WASF3: variants seen among roughly 807,000 people sequenced by gnomAD.
WASF3 encodes the protein WASP family member 3.
Under a neutral mutation model 46.6 loss-of-function variants are expected in WASF3, and 11 were observed. The ratio of observed to expected loss-of-function variants is 0.24; its 90% confidence interval spans 0.15 to 0.39. The LOEUF (loss-of-function observed/expected upper bound fraction) is 0.39. Ranked by LOEUF, WASF3 falls within the 10% of genes least tolerant of loss-of-function variation. The pLI is 1.00. For missense variants in WASF3, 576 were observed against 669.8 expected, an observed-to-expected ratio of 0.86 and a Z score of 1.55; for synonymous variants, 242 against 259.7, an observed-to-expected ratio of 0.93 and a Z score of 0.65.
the WASF3 span, among the ~76,000 whole-genome samples, chr13:26,548,523 A>G: frequency 4.7e-3 from 716 of 152,314 alleles, 4 homozygotes; most frequent in Middle Eastern, 0.01. Context: ...CATGCATGAC[A>G]GAAATCTTCA....
At chr13:26,673,164 A>T (rs1465706025) in intron 6 of WASF3, among the ~76,000 whole-genome samples, 1 of 152,194 alleles carries the variant, frequency 6.6e-6, no homozygotes, top group East Asian at 1.9e-4. Context: ...TGCCTTTAAA[A>T]TGTGCCTGTT....
chr13:26,605,441 C>T (rs1880764373), intron 1 of WASF3, among the ~76,000 whole-genome samples: 1 of 152,110 alleles, frequency 6.6e-6, no homozygotes, highest in Admixed American at 6.5e-5. Context: ...CTCAGGGTCA[C>T]TAAATACGGG....
At chr13:26,600,503 C>G (rs1880611710) in intron 1 of WASF3, among the ~76,000 whole-genome samples, 1 of 152,176 alleles carries the variant, frequency 6.6e-6, no homozygotes, top group African/African-American at 2.4e-5. Flanking sequence ...CATTGCTTCT[C>G]ATTTTTTCCT....
intron 3 of WASF3, among the ~76,000 whole-genome samples, chr13:26,662,447 C>T (rs960643874): frequency 2.0e-5 from 3 of 152,190 alleles, no homozygotes; most frequent in African/African-American, 7.2e-5. Context: ...TGTGGTACAT[C>T]ATGGGATACT....
intron 1 of WASF3, chr13:26,577,345 T>G: frequency 1.3e-6 from 1 of 762,602 alleles, no homozygotes. Context: ...GGAAAACCTT[T>G]TATGCTCAGC....
intron 3 of WASF3, among the ~76,000 whole-genome samples, chr13:26,661,439 A>C (rs1038963375): frequency 6.6e-6 from 1 of 152,226 alleles, no homozygotes; most frequent in Non-Finnish European, 1.5e-5. Context: ...ATGTTGTAGC[A>C]TGTGTCAGAA....
chr13:26,610,597 G>A (rs1027484875), intron 1 of WASF3, among the ~76,000 whole-genome samples: 9 of 152,252 alleles, frequency 5.9e-5, no homozygotes, highest in African/African-American at 2.2e-4. Flanking sequence ...GAAACTAGAC[G>A]ACAGGAGGGC....
intron 1 of WASF3, among the ~76,000 whole-genome samples, chr13:26,604,921 T>G (rs1258089629): frequency 1.3e-5 from 2 of 152,184 alleles, no homozygotes; most frequent in African/African-American, 4.8e-5. Context: ...AGGGGAGTTT[T>G]AAAACTTCTG....
At chr13:26,684,832 A>T (rs1010382126) in intron 9 of WASF3, among the ~76,000 whole-genome samples, 1 of 152,210 alleles carries the variant, frequency 6.6e-6, no homozygotes, top group Admixed American at 6.5e-5. Context: ...CTGGTCTCAT[A>T]GCTGTTCTGT....
At chr13:26,597,019 A>T (rs996813429) in intron 1 of WASF3, among the ~76,000 whole-genome samples, 1 of 152,172 alleles carries the variant, frequency 6.6e-6, no homozygotes, top group Non-Finnish European at 1.5e-5. Flanking sequence ...CTTTTAGTAC[A>T]TTTATCATAG....
rs1263605479 is a variant in WASF3 at position 26,616,234 on chromosome 13, T to TA, written c.-11+3176_-11+3177insA. Among the ~76,000 whole-genome samples, 13 of 152,354 alleles carry TA rather than the reference T, an allele frequency of 8.5e-5. No individual in the cohort carries two copies. In the South Asian group the frequency reaches 2.5e-3, roughly 29 times the overall value. On this transcript the variant is annotated intron_variant, in intron 2 of 9. Transcript: ENST00000335327. The stretch of plus-strand genomic sequence containing the variant: ...TATTTTGTTTCTCTTGAGCAGTGGA[T>TA]GATAGTTCCAGTTCATCCATGTTCT...
At chr13:26,596,082 T>C (rs2030918723) in intron 1 of WASF3, among the ~76,000 whole-genome samples, 1 of 151,760 alleles carries the variant, frequency 6.6e-6, no homozygotes, top group African/African-American at 2.4e-5. Context: ...TGTACTATTT[T>C]ACATTTTCAC....
chr13:26,564,900 GTTTTTTT>G (rs66809412), intron 1 of WASF3, among the ~76,000 whole-genome samples: 1 of 81,636 alleles, frequency 1.2e-5, no homozygotes, highest in African/African-American at 4.8e-5. Flanking sequence ...CAAGGTTGTG[GTTTTTTT>G]TTTTTTTTTT....
chr13:26,574,230 T>C (rs972668047), intron 1 of WASF3, among the ~76,000 whole-genome samples: 3 of 152,212 alleles, frequency 2.0e-5, no homozygotes, highest in African/African-American at 7.2e-5. Flanking sequence ...TCTCTATATA[T>C]ACAGAACAAC....
At chr13:26,589,482 G>A (rs1439146347) in intron 1 of WASF3, among the ~76,000 whole-genome samples, 1 of 152,210 alleles carries the variant, frequency 6.6e-6, no homozygotes, top group Non-Finnish European at 1.5e-5. Context: ...TAGGCAAGTG[G>A]TAAAGTCTTA....
At chr13:26,632,532 A>G (rs950568710) in intron 2 of WASF3, among the ~76,000 whole-genome samples, 8 of 152,178 alleles carry the variant, frequency 5.3e-5, no homozygotes, top group Non-Finnish European at 8.8e-5. Context: ...TGACTTGATC[A>G]TGGTGGATAA....
chr13:26,656,682 T>C (rs1023329595), intron 3 of WASF3, among the ~76,000 whole-genome samples: 4 of 152,158 alleles, frequency 2.6e-5, no homozygotes, highest in African/African-American at 9.6e-5. Flanking sequence ...AAGTTTTTAA[T>C]TTAAAAGTAC....
intron 1 of WASF3, among the ~76,000 whole-genome samples, chr13:26,599,348 A>C (rs1854815): frequency 0.29 from 44,062 of 151,750 alleles, 6,792 homozygotes; most frequent in East Asian, 0.58. Flanking sequence ...AAGCCCGGCT[A>C]ATTTTCTGTA....
intron 3 of WASF3, among the ~76,000 whole-genome samples, chr13:26,652,128 G>A (rs1882331464): frequency 6.6e-6 from 1 of 152,076 alleles, no homozygotes; most frequent in African/African-American, 2.4e-5. Flanking sequence ...AGATTATCAG[G>A]TTAAATTAAA....
Sources: allele counts gnomAD v4.1 joint callset (sites outside exome capture counted in the v4.1 genomes callset), GRCh38; gene constraint gnomAD v4.1.1; transcripts MANE v1.5; gene names NCBI Gene and HGNC (gene_info 2026-07-23, HGNC 2026-07-21).